FHIT: variants seen among roughly 807,000 people sequenced by gnomAD.
The protein encoded by FHIT is bis(5'-adenosyl)-triphosphatase.
In FHIT, 19 loss-of-function variants were observed where a neutral mutation model predicts 17.9. That is an observed-to-expected ratio of 1.06 (90% confidence interval 0.74 to 1.56). The LOEUF is 1.56. Ranked by LOEUF, FHIT falls within the 40% of genes most tolerant of loss-of-function variation. The pLI, the probability that FHIT is intolerant of heterozygous loss-of-function variation, is 0.00. For missense variants in FHIT, 248 were observed against 189.2 expected, an observed-to-expected ratio of 1.31 and a Z score of -1.82; for synonymous variants, 81 against 69.7, an observed-to-expected ratio of 1.16 and a Z score of -0.81.
chr3:60,629,768 A>T (rs190154940), intron 4 of FHIT, among the ~76,000 whole-genome samples: 92 of 152,252 alleles, frequency 6.0e-4, no homozygotes, highest in African/African-American at 2.0e-3. Context: ...ATCTAGGTAG[A>T]CTGCCTCTAT....
chr3:60,298,614 T>G (rs1365271102), intron 5 of FHIT, among the ~76,000 whole-genome samples: 1 of 152,192 alleles, frequency 6.6e-6, no homozygotes, highest in East Asian at 1.9e-4. Flanking sequence ...TTGCAGATAT[T>G]CTTTATCAAT....
At chr3:60,145,956 C>T (rs1321372299) in intron 5 of FHIT, among the ~76,000 whole-genome samples, 3 of 152,114 alleles carry the variant, frequency 2.0e-5, no homozygotes, top group African/African-American at 7.2e-5. Context: ...ACATTACCTC[C>T]TTCAAATATT....
chr3:60,374,355 G>A (rs1700454624), intron 5 of FHIT, among the ~76,000 whole-genome samples: 1 of 151,850 alleles, frequency 6.6e-6, no homozygotes, highest in Non-Finnish European at 1.5e-5. Context: ...TGATGACTTA[G>A]GGTGATCCAG....
rs548184752 is a variant in FHIT, at chr3:61,040,626, A to G, written c.-111+1421T>C. The stretch of plus-strand genomic sequence containing the variant: ...CGTTAATCTTTAACTTGATGAAGGG[A>G]TCTACACAGAATGAAGCAGACTACA... On this transcript the variant is annotated intron_variant, in intron 3 of 9. Transcript: ENST00000492590. 2.0e-5 allele frequency among the ~76,000 whole-genome samples: 3 copies of G among 152,292 alleles called. No individual in the cohort carries two copies. The South Asian group carries it at 6.2e-4, about 32-fold the overall frequency.
chr3:60,366,137 T>C (rs1559856602), intron 5 of FHIT, among the ~76,000 whole-genome samples: 1 of 152,312 alleles, frequency 6.6e-6, no homozygotes, highest in African/African-American at 2.4e-5. Flanking sequence ...CTTTCTTGCA[T>C]AGAACTGAAT....
intron 5 of FHIT, among the ~76,000 whole-genome samples, chr3:60,488,273 G>A (rs1206844489): frequency 6.6e-6 from 1 of 152,188 alleles, no homozygotes; most frequent in African/African-American, 2.4e-5. Flanking sequence ...CCCCTGTTAT[G>A]TTCCTAGTGT....
At chr3:59,814,156 GTGC>G (rs1333041686) in intron 8 of FHIT, among the ~76,000 whole-genome samples, 3 of 152,242 alleles carry the variant, frequency 2.0e-5, no homozygotes, top group African/African-American at 7.2e-5. Flanking sequence ...AAGAAAAGAT[GTGC>G]TGCTGTTATT....
intron 5 of FHIT, among the ~76,000 whole-genome samples, chr3:60,217,569 G>A (rs554079986): frequency 6.6e-6 from 1 of 151,772 alleles, no homozygotes; most frequent in Admixed American, 6.6e-5. Flanking sequence ...AATCCAATCA[G>A]TGGTCCCCCT....
chr3:60,522,654 T>C (rs755519457), intron 5 of FHIT, among the ~76,000 whole-genome samples: 1 of 152,190 alleles, frequency 6.6e-6, no homozygotes, highest in African/African-American at 2.4e-5. Flanking sequence ...TCCATGTGCA[T>C]TGGAAGGATG....
At chr3:60,205,235 G>A (rs565349129) in intron 5 of FHIT, among the ~76,000 whole-genome samples, 2 of 152,196 alleles carry the variant, frequency 1.3e-5, no homozygotes, top group African/African-American at 4.8e-5. Flanking sequence ...TTATACAGTA[G>A]CCTTGAAGGG....
chr3:60,118,599 A>G (rs1705090089), intron 5 of FHIT, among the ~76,000 whole-genome samples: 1 of 151,956 alleles, frequency 6.6e-6, no homozygotes, highest in African/African-American at 2.4e-5. Context: ...AGGTAAAGTG[A>G]CTCGCCCAAG....
intron 4 of FHIT, among the ~76,000 whole-genome samples, chr3:60,603,077 T>C (rs1163003381): frequency 3.3e-5 from 5 of 152,106 alleles, no homozygotes; most frequent in African/African-American, 1.2e-4. Context: ...ATGAGCAACA[T>C]AGTTTGAAGG....
rs1359839482 is a variant in FHIT, at chr3:60,540,524, G to A, written c.-17-3545C>T. Among the ~76,000 whole-genome samples the A allele has an allele frequency of 6.6e-5, 10 of 152,308 alleles. No individual in the cohort carries two copies. The East Asian group carries it at 1.5e-3, about 24-fold the overall frequency. On this transcript the variant is annotated intron_variant, in intron 4 of 9. Transcript: ENST00000492590. ...CGTAACATCCAAATTCTTCTGAAAT[G>A]AATCAAAGGACATCCAGCTGGTGTC...
At chr3:60,460,732 G>C (rs1242843710) in intron 5 of FHIT, among the ~76,000 whole-genome samples, 1 of 152,130 alleles carries the variant, frequency 6.6e-6, no homozygotes, top group East Asian at 1.9e-4. Context: ...AGTTTAATTT[G>C]TGAATCTACT....
At chr3:60,343,368 T>C (rs955019294) in intron 5 of FHIT, among the ~76,000 whole-genome samples, 7 of 152,076 alleles carry the variant, frequency 4.6e-5, no homozygotes, top group African/African-American at 1.4e-4. Flanking sequence ...GTCTCTAAGA[T>C]AGAACTATAG....
intron 8 of FHIT, among the ~76,000 whole-genome samples, chr3:59,787,558 G>C (rs1699367839): frequency 6.7e-6 from 1 of 149,152 alleles, no homozygotes; most frequent in African/African-American, 2.5e-5. Flanking sequence ...TTTATGAAAA[G>C]TAAAATGCCA....
intron 5 of FHIT, among the ~76,000 whole-genome samples, chr3:60,526,216 AG>A (rs746892613): frequency 6.6e-6 from 1 of 151,956 alleles, no homozygotes; most frequent in Non-Finnish European, 1.5e-5. Context: ...ATCTGCTGGG[AG>A]CCTCTGCAAA....
Position 59,762,701 on chromosome 3 carries a change from C to T in FHIT, c.349-10380G>A, listed in dbSNP as rs140636682. Among the ~76,000 whole-genome samples the T allele has an allele frequency of 9.8e-3, 1,495 of 152,348 alleles. 16 individuals carry two copies. Among genetic ancestry groups the T allele is most frequent in the South Asian group, 0.036 (174 of 4,828 alleles). ...TAACACTGCAAATAGGGATCAACCT[C>T]TAAGCCCGGAGGGCCCTGCTGGAAA... On this transcript the variant is annotated intron_variant, in intron 8 of 9. Transcript: ENST00000492590.
chr3:60,891,924 C>T (rs1267676091), intron 3 of FHIT, among the ~76,000 whole-genome samples: 3 of 152,128 alleles, frequency 2.0e-5, no homozygotes, highest in Non-Finnish European at 4.4e-5. Flanking sequence ...CAAAAGTCAT[C>T]CATCAAATCA....
Sources: allele counts gnomAD v4.1 joint callset (sites outside exome capture counted in the v4.1 genomes callset), GRCh38; gene constraint gnomAD v4.1.1; transcripts MANE v1.5; gene names NCBI Gene and HGNC (gene_info 2026-07-23, HGNC 2026-07-21).